The following EXO1 variants were observed in gnomAD, a reference collection of about 807,000 sequenced individuals.
EXO1 encodes exonuclease 1.
A neutral mutation model predicts 84.5 loss-of-function variants in EXO1; 69 were observed. The ratio of observed to expected loss-of-function variants is 0.82; its 90% confidence interval spans 0.67 to 1.00. EXO1 has a LOEUF of 1.00. Ranked by LOEUF, EXO1 falls within the 50% of genes least tolerant of loss-of-function variation. The pLI is 0.00. For synonymous variants in EXO1, 373 were observed against 366.1 expected (o/e 1.02, Z -0.21); for missense variants, 1,045 against 1,000.7 (o/e 1.04, Z -0.60).
chr1:241,887,896 C>T (rs1050588947), intron 15 of EXO1, among the ~76,000 whole-genome samples: 1 of 152,140 alleles, frequency 6.6e-6, no homozygotes, highest in Non-Finnish European at 1.5e-5. Context: ...GCTTCAACCT[C>T]CCAAAGTGCT....
chr1:241,851,705 T>C (rs1574129548), intron 4 of EXO1, among the ~76,000 whole-genome samples: 1 of 152,184 alleles, frequency 6.6e-6, no homozygotes, highest in African/African-American at 2.4e-5. Context: ...TGAGTTCAAG[T>C]AGGTAGCTCA....
At chr1:241,879,956 G>A (rs942168759) in intron 13 of EXO1, among the ~76,000 whole-genome samples, 11 of 150,050 alleles carry the variant, frequency 7.3e-5, no homozygotes, top group South Asian at 2.1e-4. Flanking sequence ...GCAGTGAGCC[G>A]AGATTGAGCC....
chr1:241,880,219 C>T (rs1662676138), intron 13 of EXO1, among the ~76,000 whole-genome samples: 1 of 152,094 alleles, frequency 6.6e-6, no homozygotes, highest in Non-Finnish European at 1.5e-5. Flanking sequence ...GTCTTTATCT[C>T]GTCTTTTTCA....
rs113558370 is a variant in EXO1, at chr1:241,877,721, AT to A, written c.1515-1019del. On this transcript the variant is annotated intron_variant, in intron 12 of 15. Coordinates refer to ENST00000366548, the MANE Select transcript of EXO1 (RefSeq NM_130398.4). ...ATACTGATCTTTCATTTTCATTGGA[AT>A]TTTTTTTTAAAGCTGCTATACTGAA... Among the ~76,000 whole-genome samples, 839 of 151,698 alleles carry A rather than the reference AT, an allele frequency of 5.5e-3. 6 individuals carry two copies. The highest frequency in any genetic ancestry group is 0.019 in the African/African-American group (792 of 41,434).
chr1:241,865,217 T>C (rs75862882), intron 10 of EXO1, among the ~76,000 whole-genome samples: 6 of 145,066 alleles, frequency 4.1e-5, no homozygotes, highest in African/African-American at 1.0e-4. Flanking sequence ...GAATATCTCT[T>C]TTTTTTTTTT....
chr1:241,867,837 T>G (rs1158392555), intron 11 of EXO1, among the ~76,000 whole-genome samples: 1 of 152,220 alleles, frequency 6.6e-6, no homozygotes, highest in Non-Finnish European at 1.5e-5. Flanking sequence ...TAGAAAATCT[T>G]GAAGCGGGGC....
Position 241,869,776 on chromosome 1 carries a change from C to CTCCT in EXO1, c.1268-2236_1268-2233dup, listed in dbSNP as rs1193708680. On this transcript the variant is annotated intron_variant, in intron 11 of 15. Transcript: ENST00000366548. ...CTTCCTTCCTTCCTTCCCTCCCTCC[C>CTCCT]TCCTTCCTTCCTTCCTTCCTTCCCT... is the stretch of plus-strand genomic sequence containing the variant. Among the ~76,000 whole-genome samples, 27 of 29,844 alleles carry CTCCT rather than the reference C, an allele frequency of 9.0e-4. 1 individual carries two copies. Among genetic ancestry groups the CTCCT allele is most frequent in the Non-Finnish European group, 1.4e-3 (21 of 14,610 alleles). 19.6% of individuals were successfully genotyped at this position (29,844 alleles called of 152,430 possible). A position where few individuals can be genotyped will look rare whatever the true frequency, so the allele number is the denominator to read the frequency against.
chr1:241,857,574 TAATTTATAATATTTATAA>T (rs1362379317), intron 7 of EXO1, 92 bp downstream of exon 7: 83 of 513,082 alleles, frequency 1.6e-4, no homozygotes, highest in Non-Finnish European at 2.2e-4. Flanking sequence ...GAAATTATGA[TAATTTATAATATTTATAA>T]AATTTATAAT....
At chr1:241,883,115 CT>C (rs1662866127) in intron 14 of EXO1, among the ~76,000 whole-genome samples, 2 of 152,144 alleles carry the variant, frequency 1.3e-5, no homozygotes, top group South Asian at 4.2e-4. Context: ...TGTTCTTTTT[CT>C]TGTGTTTTTC....
intron 12 of EXO1, among the ~76,000 whole-genome samples, chr1:241,873,412 G>A (rs966732158): frequency 1.3e-5 from 2 of 152,178 alleles, no homozygotes; most frequent in African/African-American, 2.4e-5. Context: ...TCTCCGTACA[G>A]AATCAGAATA....
intron 14 of EXO1, 40 bp downstream of exon 14, chr1:241,882,057 G>T: frequency 1.0e-6 from 1 of 957,168 alleles, no homozygotes. Context: ...TTTCAGAAGC[G>T]GTGTATGCTT....
At chr1:241,869,028 A>G (rs189213069) in intron 11 of EXO1, among the ~76,000 whole-genome samples, 15 of 152,310 alleles carry the variant, frequency 9.8e-5, no homozygotes, top group Admixed American at 3.3e-4. Context: ...TGTGTCACCT[A>G]TGAATAAAGA....
Position 241,853,328 on chromosome 1 carries a change from T to G in EXO1, c.282-30T>G, listed in dbSNP as rs542092590. ...TTCTTGAGTCAGCCTCTTAAATGTT[T>G]TATATTTAAAAAATGTTCTTCCCTT... On this transcript the variant is annotated intron_variant, in intron 5 of 15. Coordinates refer to ENST00000366548, the MANE Select transcript of EXO1 (RefSeq NM_130398.4). 2.9e-5 allele frequency: 47 copies of G among 1,610,792 alleles called. No individual in the cohort carries two copies. The South Asian group carries it at 4.1e-4, about 14-fold the overall frequency.
intron 14 of EXO1, among the ~76,000 whole-genome samples, chr1:241,885,014 T>C (rs566548926): frequency 6.6e-6 from 1 of 152,076 alleles, no homozygotes; most frequent in South Asian, 2.1e-4. Context: ...GAGACCATCC[T>C]GGCTAAAACG....
rs1226586794 is a variant in EXO1 at position 241,878,994 on chromosome 1, CT to C, written c.1764del (p.Phe588LeufsTer18). ...ATVFTDEESY[S>X]FESSKFTRTI... ...GTGTTTACAGATGAAGAGTCCTACT[CT>C]TTTGAGAGCAGCAAATTTACAAGGA... is the stretch of plus-strand genomic sequence containing the variant. On this transcript the variant is annotated frameshift_variant, in exon 13 of 16. Coordinates refer to ENST00000366548, the MANE Select transcript of EXO1 (RefSeq NM_130398.4). LOFTEE classifies it high-confidence loss of function. 4 of 1,614,018 alleles carry C rather than the reference CT, an allele frequency of 2.5e-6. No individual in the cohort carries two copies. The East Asian group carries it at 8.9e-5, about 36-fold the overall frequency.
intron 13 of EXO1, among the ~76,000 whole-genome samples, chr1:241,880,971 A>T (rs1662714610): frequency 6.6e-6 from 1 of 152,150 alleles, no homozygotes; most frequent in Non-Finnish European, 1.5e-5. Context: ...AGTTTCTGTA[A>T]GGTATAATAC....
chr1:241,864,878 CTT>C (rs112285655), intron 10 of EXO1, among the ~76,000 whole-genome samples: 16 of 140,382 alleles, frequency 1.1e-4, no homozygotes, highest in African/African-American at 1.0e-4. Context: ...TTCTTTCTTT[CTT>C]TTTTTTTTTT....
At position 241,861,507 on chromosome 1, in the gene EXO1, C is replaced by T. The variant is rs993040338; in HGVS notation, c.1041+5C>T. 1.4e-5 allele frequency: 20 copies of T among 1,466,732 alleles called. No homozygotes were observed. Among genetic ancestry groups the T allele is most frequent in the Admixed American group, 1.2e-4 (7 of 59,828 alleles). 90.9% of individuals were successfully genotyped at this position (1,466,732 alleles called of 1,614,324 possible). ...TACAATCCAGACACTGCTATGGTAA[C>T]GTTTTGATGACCACCCTATGAAAAC... On this transcript the variant is annotated splice_donor_5th_base_variant and intron_variant, in intron 10 of 15. Coordinates refer to ENST00000366548, the MANE Select transcript of EXO1 (RefSeq NM_130398.4).
intron 7 of EXO1, 97 bp downstream of exon 7, chr1:241,857,579 TATA>T (rs1574140992): frequency 2.2e-6 from 1 of 457,832 alleles, no homozygotes; most frequent in Non-Finnish European, 3.5e-6. Context: ...TATGATAATT[TATA>T]ATATTTATAA....
Sources: gnomAD v4.1 joint callset for allele counts (sites outside exome capture counted in the v4.1 genomes callset) on GRCh38, gnomAD v4.1.1 for gene constraint, MANE v1.5 for transcripts, NCBI Gene and HGNC (gene_info 2026-07-23, HGNC 2026-07-21) for gene names.